SLC16A7: variants seen among roughly 807,000 people sequenced by gnomAD.
The protein encoded by SLC16A7 is monocarboxylate transporter 2.
Under a neutral mutation model 34.9 loss-of-function variants are expected in SLC16A7, and 33 were observed. The ratio of observed to expected loss-of-function variants is 0.94; its 90% CI spans 0.72 to 1.26. The LOEUF (loss-of-function observed/expected upper bound fraction) is 1.26. SLC16A7 is among the 50% of genes most tolerant of loss of function. The pLI, the probability that SLC16A7 is intolerant of heterozygous loss-of-function variation, is 0.00. For synonymous variants in SLC16A7, 201 were observed against 206.6 expected (o/e 0.97, Z 0.23); for missense variants, 573 against 578.1 (o/e 0.99, Z 0.09).
At chr12:59,724,002 C>T (rs1875936386) in intron 3 of SLC16A7, among the ~76,000 whole-genome samples, 2 of 151,834 alleles carry the variant, frequency 1.3e-5, no homozygotes, top group South Asian at 4.1e-4. Flanking sequence ...GTAATTGTGG[C>T]TTAAAAAATA....
intron 5 of SLC16A7, among the ~76,000 whole-genome samples, chr12:59,775,858 A>G (rs1882709241): frequency 6.6e-6 from 1 of 152,156 alleles, no homozygotes; most frequent in African/African-American, 2.4e-5. Context: ...ATTGTAAAAT[A>G]TTCTCTCAAA....
chr12:59,615,599 A>G (rs1231619193), intron 1 of SLC16A7, among the ~76,000 whole-genome samples: 6 of 152,332 alleles, frequency 3.9e-5, no homozygotes, highest in Middle Eastern at 3.4e-3. Flanking sequence ...AAACTATCAC[A>G]CTGTATAGCA....
chr12:59,776,236 T>A (rs1400748136), intron 5 of SLC16A7, among the ~76,000 whole-genome samples: 2 of 152,160 alleles, frequency 1.3e-5, no homozygotes, highest in Non-Finnish European at 2.9e-5. Context: ...GAGAAATAGA[T>A]AAAATGTACA....
At chr12:59,708,892 A>C (rs1240581448) in intron 3 of SLC16A7, among the ~76,000 whole-genome samples, 1 of 151,692 alleles carries the variant, frequency 6.6e-6, no homozygotes, top group East Asian at 1.9e-4. Flanking sequence ...TCCTTAGAAT[A>C]ATGGCATCAC....
intron 1 of SLC16A7, among the ~76,000 whole-genome samples, chr12:59,609,774 C>G (rs749282497): frequency 1.3e-5 from 2 of 151,960 alleles, no homozygotes; most frequent in Non-Finnish European, 2.9e-5. Context: ...TTCAGATAAC[C>G]GCTTGTGGTC....
At chr12:59,763,800 T>C (rs1231929317) in intron 3 of SLC16A7, among the ~76,000 whole-genome samples, 1 of 152,102 alleles carries the variant, frequency 6.6e-6, no homozygotes, top group Non-Finnish European at 1.5e-5. Flanking sequence ...CAAACTCTTA[T>C]TGTTATTATA....
At chr12:59,766,613 G>A (rs1221503972) in intron 3 of SLC16A7, among the ~76,000 whole-genome samples, 2 of 152,144 alleles carry the variant, frequency 1.3e-5, no homozygotes, top group African/African-American at 2.4e-5. Flanking sequence ...CTTTGGTTCT[G>A]TTTATATGCT....
intron 1 of SLC16A7, among the ~76,000 whole-genome samples, chr12:59,602,716 C>T (rs1255703257): frequency 1.3e-5 from 2 of 151,982 alleles, no homozygotes; most frequent in Non-Finnish European, 2.9e-5. Flanking sequence ...AACTCCTGAC[C>T]TCAAGTGATC....
intron 1 of SLC16A7, among the ~76,000 whole-genome samples, chr12:59,613,831 A>G (rs1879314083): frequency 6.6e-6 from 1 of 152,240 alleles, no homozygotes; most frequent in Non-Finnish European, 1.5e-5. Flanking sequence ...TCTATGACCA[A>G]CAATTCAAAC....
At chr12:59,649,454 T>C (rs542704667) in intron 1 of SLC16A7, among the ~76,000 whole-genome samples, 2 of 152,208 alleles carry the variant, frequency 1.3e-5, no homozygotes, top group Non-Finnish European at 2.9e-5. Flanking sequence ...AAAGGTGTTT[T>C]GCTATTTCAT....
chr12:59,779,740 T>C lies in SLC16A7; in HGVS notation c.*61T>C. Reference sequence around the variant, plus strand: ...TTATCTAGGAGTTTGTTTTTCATTTTGTTTTTTTAAAGTATTAGAAAAGGT... The same window carrying C: ...TTATCTAGGAGTTTGTTTTTCATTTCGTTTTTTTAAAGTATTAGAAAAGGT... On this transcript the variant is annotated 3_prime_UTR_variant, in exon 6 of 6. Coordinates refer to ENST00000547379, the MANE Select transcript of SLC16A7 (RefSeq NM_001270623.2). 1.4e-6 allele frequency: 2 copies of C among 1,400,860 alleles called. No homozygotes were observed. The highest frequency in any genetic ancestry group is 1.5e-5 in the South Asian group (1 of 68,938). 86.8% of individuals were successfully genotyped at this position (1,400,860 alleles called of 1,614,324 possible). A position where few individuals can be genotyped will look rare whatever the true frequency, so the allele number is the denominator to read the frequency against.
intron 2 of SLC16A7, among the ~76,000 whole-genome samples, chr12:59,696,027 TATTTA>T (rs1872246228): frequency 2.0e-5 from 3 of 151,882 alleles, no homozygotes; most frequent in Admixed American, 6.6e-5. Flanking sequence ...TGTCAGTGGA[TATTTA>T]ATTTATTTAA....
chr12:59,694,940 C>T (rs1872106299), intron 2 of SLC16A7, among the ~76,000 whole-genome samples: 1 of 151,892 alleles, frequency 6.6e-6, no homozygotes, highest in Admixed American at 6.6e-5. Flanking sequence ...GAAAGGAACT[C>T]TGGATGTGAG....
chr12:59,602,427 C>A (rs1207250496), intron 1 of SLC16A7, among the ~76,000 whole-genome samples: 1 of 150,200 alleles, frequency 6.7e-6, no homozygotes, highest in Non-Finnish European at 1.5e-5. Context: ...CTCCAGCTCG[C>A]CTTTCACCTC....
chr12:59,677,184 T>C (rs1268987440), intron 2 of SLC16A7, among the ~76,000 whole-genome samples: 2 of 152,164 alleles, frequency 1.3e-5, no homozygotes, highest in Non-Finnish European at 2.9e-5. Context: ...CATTTTCCTT[T>C]CTAGTAAAAA....
At chr12:59,603,329 C>T (rs998569466) in intron 1 of SLC16A7, among the ~76,000 whole-genome samples, 3 of 152,182 alleles carry the variant, frequency 2.0e-5, no homozygotes, top group African/African-American at 7.2e-5. Context: ...ATTTCAGTCC[C>T]TGCATGATGT....
chr12:59,753,405 A>G (rs1271203842), intron 3 of SLC16A7, among the ~76,000 whole-genome samples: 1 of 152,226 alleles, frequency 6.6e-6, no homozygotes, highest in Non-Finnish European at 1.5e-5. Context: ...AAAAGGATGG[A>G]AGAAGATCTA....
intron 1 of SLC16A7, among the ~76,000 whole-genome samples, chr12:59,638,152 G>A (rs112615152): frequency 1.9e-4 from 29 of 152,160 alleles, no homozygotes; most frequent in African/African-American, 6.5e-4. Flanking sequence ...TAAAAGTATG[G>A]GTAAAATGAA....
rs1441876567 is a variant in SLC16A7 at position 59,786,778 on chromosome 12, C to T, written c.*7099C>T. On this transcript the variant is annotated 3_prime_UTR_variant, in exon 6 of 6. Transcript: ENST00000547379. ...GCAGGGTTGGAGATAGAATTCAGGT[C>T]TTTTAACTTCTAACACACTTTTTTC... 1 of 152,102 alleles carries T rather than the reference C, an allele frequency of 6.6e-6. No individual in the cohort carries two copies. The highest frequency in any genetic ancestry group is 1.9e-4 in the East Asian group (1 of 5,194). The allele number at this position is 152,102 out of a possible 1,614,324, so 9.4% of individuals were successfully genotyped here. A position where few individuals can be genotyped will look rare whatever the true frequency, so the allele number is the denominator to read the frequency against.
Sources: allele counts gnomAD v4.1 joint callset (sites outside exome capture counted in the v4.1 genomes callset), GRCh38; gene constraint gnomAD v4.1.1; transcripts MANE v1.5; gene names NCBI Gene and HGNC (gene_info 2026-07-23, HGNC 2026-07-21).